The following LEMD3 variants were observed in gnomAD, a reference collection of about 807,000 sequenced individuals.
LEMD3 encodes inner nuclear membrane protein Man1.
LEMD3 carries 33 observed loss-of-function variants against 95.2 expected under a neutral mutation model. The observed-to-expected ratio is 0.35, with a 90% confidence interval of 0.26 to 0.46. The LOEUF is 0.46. Among genes scored for constraint, LEMD3 ranks in the 20% least tolerant of loss-of-function variants. LEMD3 has a pLI of 1.00. For synonymous variants in LEMD3, 525 were observed against 474.6 expected (o/e 1.11, Z -1.38); for missense variants, 1,210 against 1,192.8 (o/e 1.01, Z -0.21).
chr12:65,246,496 T>TG lies in LEMD3; in HGVS notation c.*172dup, dbSNP rs1229554153. ...AAGGGATTTAGCAGTGAGGCAGCAA[T>TG]GCTGAGTAGGTAGGATAATTATTTC... On this transcript the variant is annotated 3_prime_UTR_variant, in exon 13 of 13. Transcript: ENST00000308330. 1.6e-6 allele frequency: 1 copy of TG among 634,376 alleles called. No individual in the cohort carries two copies. The highest frequency in any genetic ancestry group is 2.8e-6 in the Non-Finnish European group (1 of 358,772). 39.3% of individuals were successfully genotyped at this position (634,376 alleles called of 1,614,324 possible).
intron 9 of LEMD3, among the ~76,000 whole-genome samples, chr12:65,242,460 G>A (rs1331362435): frequency 6.6e-6 from 1 of 152,112 alleles, no homozygotes; most frequent in East Asian, 1.9e-4. Context: ...TGTACTAGGA[G>A]GTGGGCACCA....
Position 65,170,835 on chromosome 12 carries a change from T to G in LEMD3, c.1239T>G (p.Ser413Arg), listed in dbSNP as rs1387973916. The G allele has an allele frequency of 6.2e-7, 1 of 1,614,224 alleles. No individual in the cohort carries two copies. The highest frequency in any genetic ancestry group is 2.2e-5 in the East Asian group (1 of 44,894). The change falls in exon 1 of 13, where the codon AGT (serine) becomes AGG (arginine). Residue 413 changes from serine (S) to arginine (R), a missense_variant. By Grantham distance (110) the Ser-to-Arg change is moderately radical. Coordinates refer to ENST00000308330, the MANE Select transcript of LEMD3 (RefSeq NM_014319.5). Reference sequence around the variant, plus strand: ...TTTATTCTAACAGTCTCCCTCCCAGTGCGGCGGTGGCCGCCTCTAGTTCAC... The same window carrying G: ...TTTATTCTAACAGTCTCCCTCCCAGGGCGGCGGTGGCCGCCTCTAGTTCAC... ...PRIYSNSLPP[S>R]AAVAASSSLR...
At chr12:65,216,071 A>C in intron 3 of LEMD3, 28 bp downstream of exon 3, 1 of 1,450,904 alleles carries the variant, frequency 6.9e-7, no homozygotes, top group South Asian at 1.2e-5. Flanking sequence ...TATAGTTGCT[A>C]AAAATGTTTT....
In LEMD3 at chr12:65,246,499, T is replaced by C. The variant is rs1871111850; in HGVS notation, c.*174T>C. ...GGATTTAGCAGTGAGGCAGCAATGC[T>C]GAGTAGGTAGGATAATTATTTCATT... On this transcript the variant is annotated 3_prime_UTR_variant, in exon 13 of 13. Transcript: ENST00000308330. The C allele has an allele frequency of 1.6e-6, 1 of 622,852 alleles. No homozygotes were observed. Among genetic ancestry groups the C allele is most frequent in the African/African-American group, 1.8e-5 (1 of 54,364 alleles). 38.6% of individuals were successfully genotyped at this position (622,852 alleles called of 1,614,324 possible). A position where few individuals can be genotyped will look rare whatever the true frequency, so the allele number is the denominator to read the frequency against.
At chr12:65,171,148 CAA>C (rs1323208322) in intron 1 of LEMD3, 30 bp downstream of exon 1, 13 of 1,604,320 alleles carry the variant, frequency 8.1e-6, no homozygotes, top group Non-Finnish European at 1.1e-5. Context: ...GGTAAGGTAA[CAA>C]AGAGAATGTT....
chr12:65,240,312 G>A, intron 8 of LEMD3, 74 bp downstream of exon 8: 1 of 1,125,510 alleles, frequency 8.9e-7, no homozygotes, highest in Non-Finnish European at 1.4e-6. Context: ...AAATTATATT[G>A]AGAGCTGTGA....
intron 4 of LEMD3, among the ~76,000 whole-genome samples, chr12:65,229,315 AT>A (rs749007928): frequency 5.1e-4 from 77 of 152,246 alleles, no homozygotes; most frequent in Non-Finnish European, 8.8e-4. Context: ...TTGATTCCAT[AT>A]TATTGTTAAT....
At chr12:65,231,097 T>A (rs1260589936) in intron 4 of LEMD3, among the ~76,000 whole-genome samples, 1 of 152,238 alleles carries the variant, frequency 6.6e-6, no homozygotes, top group African/African-American at 2.4e-5. Flanking sequence ...GATTATGGAT[T>A]AATTTAATTT....
chr12:65,232,476 A>C (rs949478698), intron 4 of LEMD3, among the ~76,000 whole-genome samples: 11 of 152,186 alleles, frequency 7.2e-5, no homozygotes, highest in Admixed American at 3.3e-4. Context: ...TGAGTGAATA[A>C]GCCTCAGTAA....
At chr12:65,177,177 T>A (rs992162226) in intron 1 of LEMD3, among the ~76,000 whole-genome samples, 1 of 152,130 alleles carries the variant, frequency 6.6e-6, no homozygotes, top group Non-Finnish European at 1.5e-5. Context: ...TGGCAATTCA[T>A]GGAGGTTATA....
At chr12:65,224,180 A>G (rs371761566) in intron 4 of LEMD3, among the ~76,000 whole-genome samples, 16 of 152,248 alleles carry the variant, frequency 1.1e-4, no homozygotes, top group African/African-American at 3.9e-4. Flanking sequence ...TTTTGTCTAT[A>G]TATTTACCTT....
chr12:65,243,926 G>T (rs1871011831), intron 10 of LEMD3, among the ~76,000 whole-genome samples: 1 of 152,156 alleles, frequency 6.6e-6, no homozygotes, highest in African/African-American at 2.4e-5. Flanking sequence ...GTCTCCACTT[G>T]TCAATATAAT....
intron 1 of LEMD3, among the ~76,000 whole-genome samples, chr12:65,178,701 A>C (rs1344193431): frequency 2.6e-5 from 4 of 152,206 alleles, no homozygotes; most frequent in Non-Finnish European, 5.9e-5. Context: ...CCCATTTTAT[A>C]AGTAAATGGA....
At chr12:65,179,056 A>G (rs1443279557) in intron 1 of LEMD3, among the ~76,000 whole-genome samples, 1 of 152,142 alleles carries the variant, frequency 6.6e-6, no homozygotes, top group African/African-American at 2.4e-5. Context: ...TATAATATAT[A>G]ATACATAGAA....
At chr12:65,171,190 GT>G in intron 1 of LEMD3, 72 bp downstream of exon 1, 1 of 1,595,876 alleles carries the variant, frequency 6.3e-7, no homozygotes, top group South Asian at 1.1e-5. Flanking sequence ...CGCGCTTAGC[GT>G]TTTACATGAA....
chr12:65,188,544 T>C (rs930258312), intron 1 of LEMD3, among the ~76,000 whole-genome samples: 4 of 152,244 alleles, frequency 2.6e-5, no homozygotes, highest in Non-Finnish European at 5.9e-5. Context: ...AAGTTTTGTT[T>C]TACTGTTTAC....
chr12:65,241,971 A>G (rs957557679), intron 9 of LEMD3, among the ~76,000 whole-genome samples: 4 of 152,284 alleles, frequency 2.6e-5, no homozygotes, highest in South Asian at 4.1e-4. Context: ...GCAAACCACT[A>G]TGACACACGT....
At position 65,214,097 on chromosome 12, in the gene LEMD3, G is replaced by T. The variant is rs562702921; in HGVS notation, c.1561-1880G>T. ...TACTTTTTTTTTGAGATGGATTCTC[G>T]CTCTGTCACCAGGCTGGAGTACAGT... is the stretch of plus-strand genomic sequence containing the variant. On this transcript the variant is annotated intron_variant, in intron 2 of 12. Coordinates refer to ENST00000308330, the MANE Select transcript of LEMD3 (RefSeq NM_014319.5). 1.4e-3 allele frequency among the ~76,000 whole-genome samples: 219 copies of T among 151,914 alleles called. 1 individual carries two copies. Among genetic ancestry groups the T allele is most frequent in the Non-Finnish European group, 2.1e-3 (143 of 67,956 alleles).
intron 1 of LEMD3, among the ~76,000 whole-genome samples, chr12:65,186,087 C>G (rs1310404526): frequency 6.6e-6 from 1 of 152,094 alleles, no homozygotes; most frequent in South Asian, 2.1e-4. Context: ...TAGGTTATCT[C>G]TCTCCATGCT....
Sources: gnomAD v4.1 joint callset for allele counts (sites outside exome capture counted in the v4.1 genomes callset) on GRCh38, gnomAD v4.1.1 for gene constraint, MANE v1.5 for transcripts, NCBI Gene and HGNC (gene_info 2026-07-23, HGNC 2026-07-21) for gene names.